The following CCDC102B variants were observed in gnomAD, a reference collection of about 807,000 sequenced individuals.
The protein encoded by CCDC102B is coiled-coil domain containing 102B.
In CCDC102B, 75 loss-of-function variants were observed where a neutral mutation model predicts 57.4. The ratio of observed to expected loss-of-function variants is 1.31; its 90% CI spans 1.08 to 1.58. The LOEUF (loss-of-function observed/expected upper bound fraction) is 1.58. Among genes scored for constraint, CCDC102B ranks in the 40% most tolerant of loss-of-function variants. The pLI, the probability that CCDC102B is intolerant of heterozygous loss-of-function variation, is 0.00. For synonymous variants in CCDC102B, 206 were observed against 201.9 expected, an observed-to-expected ratio of 1.02 and a Z score of -0.17; for missense variants, 636 against 582.6, an observed-to-expected ratio of 1.09 and a Z score of -0.94.
intron 7 of CCDC102B, among the ~76,000 whole-genome samples, chr18:69,051,727 T>C (rs1478159321): frequency 1.3e-5 from 2 of 151,966 alleles, no homozygotes; most frequent in Non-Finnish European, 2.9e-5. Flanking sequence ...ACTTTATACA[T>C]CATATATACA....
chr18:68,836,307 TTTTAG>T (rs2037363123), intron 1 of CCDC102B, among the ~76,000 whole-genome samples: 1 of 152,164 alleles, frequency 6.6e-6, no homozygotes. Flanking sequence ...TCCTCTGTAT[TTTTAG>T]TTACACTGGA....
intron 2 of CCDC102B, among the ~76,000 whole-genome samples, chr18:68,789,496 T>G (rs912183467): frequency 1.3e-5 from 2 of 151,914 alleles, no homozygotes; most frequent in Non-Finnish European, 2.9e-5. Flanking sequence ...TCTTTTCACA[T>G]AGTCCCATAT....
chr18:68,841,950 G>C (rs2037653285), intron 3 of CCDC102B, among the ~76,000 whole-genome samples: 1 of 151,874 alleles, frequency 6.6e-6, no homozygotes, highest in Non-Finnish European at 1.5e-5. Context: ...TATTGCCCAG[G>C]CTGGTCTCAA....
chr18:68,785,005 G>T (rs915024289), intron 2 of CCDC102B, among the ~76,000 whole-genome samples: 4 of 122,960 alleles, frequency 3.3e-5, no homozygotes, highest in Admixed American at 1.1e-4. Context: ...AGTCCCCAGA[G>T]TGTGATATTC....
At chr18:68,826,913 CA>C (rs1418431361) in intron 1 of CCDC102B, among the ~76,000 whole-genome samples, 1 of 152,028 alleles carries the variant, frequency 6.6e-6, no homozygotes, top group Non-Finnish European at 1.5e-5. Context: ...ATAGTATTTA[CA>C]TTACTATGTA....
chr18:69,045,985 A>G (rs1416942742), intron 7 of CCDC102B, among the ~76,000 whole-genome samples: 2 of 151,986 alleles, frequency 1.3e-5, no homozygotes, highest in Non-Finnish European at 2.9e-5. Flanking sequence ...CGTGTACCAC[A>G]TTTTCTTTAG....
At chr18:69,018,830 T>G (rs1440648181) in intron 7 of CCDC102B, among the ~76,000 whole-genome samples, 1 of 152,082 alleles carries the variant, frequency 6.6e-6, no homozygotes, top group Non-Finnish European at 1.5e-5. Context: ...ATTCAAAAAT[T>G]TATTACCAAG....
At chr18:68,750,709 G>A (rs762299109) in intron 2 of CCDC102B, among the ~76,000 whole-genome samples, 21 of 147,584 alleles carry the variant, frequency 1.4e-4, no homozygotes, top group African/African-American at 3.3e-4. Context: ...CAAAAAAACC[G>A]AACACCACAT....
At chr18:68,948,658 A>C (rs911607592) in intron 6 of CCDC102B, among the ~76,000 whole-genome samples, 2 of 151,122 alleles carry the variant, frequency 1.3e-5, no homozygotes. Flanking sequence ...AACTTCTTCA[A>C]CTCCTCGGAA....
At chr18:68,855,008 T>C (rs12961451) in intron 4 of CCDC102B, among the ~76,000 whole-genome samples, 44,361 of 152,132 alleles carry the variant, frequency 0.29, 6,907 homozygotes, top group Non-Finnish European at 0.34. Flanking sequence ...GGTCAGACTC[T>C]TATTCCCAAA....
chr18:68,848,184 G>A (rs1259791512), intron 4 of CCDC102B, among the ~76,000 whole-genome samples: 2 of 151,860 alleles, frequency 1.3e-5, no homozygotes, highest in African/African-American at 2.4e-5. Flanking sequence ...AAGTATAAGA[G>A]TAAAATATTC....
At chr18:68,782,040 A>G (rs2035022761) in intron 2 of CCDC102B, among the ~76,000 whole-genome samples, 1 of 152,110 alleles carries the variant, frequency 6.6e-6, no homozygotes, top group South Asian at 2.1e-4. Flanking sequence ...TTCTGATTTC[A>G]GTGAATAGGA....
At chr18:68,816,147 T>TAC (rs1445214677) in intron 1 of CCDC102B, among the ~76,000 whole-genome samples, 10 of 152,232 alleles carry the variant, frequency 6.6e-5, no homozygotes. Context: ...TCACTGAAGA[T>TAC]TTGGTACTAG....
intron 6 of CCDC102B, among the ~76,000 whole-genome samples, chr18:68,998,396 T>G (rs573091318): frequency 4.0e-4 from 56 of 141,578 alleles, no homozygotes; most frequent in African/African-American, 1.3e-3. Flanking sequence ...TACATACACA[T>G]ACATCTACTA....
chr18:69,014,519 T>C (rs182093387), intron 7 of CCDC102B, among the ~76,000 whole-genome samples: 24 of 152,196 alleles, frequency 1.6e-4, no homozygotes, highest in Non-Finnish European at 3.1e-4. Flanking sequence ...ATGTTTCCTA[T>C]TTCCACTTTT....
intron 6 of CCDC102B, among the ~76,000 whole-genome samples, chr18:68,929,758 A>C (rs1350506253): frequency 6.6e-6 from 1 of 151,884 alleles, no homozygotes; most frequent in Non-Finnish European, 1.5e-5. Context: ...ACCAGGAAGA[A>C]GAGGAATATA....
chr18:68,767,728 A>T (rs1568240118), intron 2 of CCDC102B, among the ~76,000 whole-genome samples: 5 of 152,200 alleles, frequency 3.3e-5, no homozygotes, highest in Admixed American at 1.3e-4. Context: ...ATAGTTGCTT[A>T]TGGTCATATA....
chr18:68,770,433 T>G (rs1214377542), intron 2 of CCDC102B, among the ~76,000 whole-genome samples: 2 of 152,220 alleles, frequency 1.3e-5, no homozygotes, highest in African/African-American at 4.8e-5. Context: ...AGACATGGGC[T>G]TAGAAATAAC....
chr18:68,763,072 T>C (rs1226800508), intron 2 of CCDC102B, among the ~76,000 whole-genome samples: 1 of 152,166 alleles, frequency 6.6e-6, no homozygotes, highest in African/African-American at 2.4e-5. Context: ...TAATTTTACG[T>C]GGGTTATATT....
Sources: gnomAD v4.1 joint callset for allele counts (sites outside exome capture counted in the v4.1 genomes callset) on GRCh38, gnomAD v4.1.1 for gene constraint, MANE v1.5 for transcripts, NCBI Gene and HGNC (gene_info 2026-07-23, HGNC 2026-07-21) for gene names.